The following NEB variants were observed in gnomAD, a reference collection of about 807,000 sequenced individuals.
NEB encodes the protein nemaline myopathy type 2.
NEB carries 512 observed loss-of-function variants against 952.2 expected under a neutral mutation model. The observed-to-expected ratio is 0.54, with a 90% CI of 0.50 to 0.58. NEB has a LOEUF of 0.58. Ranked by LOEUF, NEB falls within the 20% of genes least tolerant of loss-of-function variation. The probability of loss-of-function intolerance (pLI) is 0.00; values close to 1 mark genes in which losing one functional copy is unlikely to be tolerated. For synonymous variants in NEB, 2,900 were observed against 3,149.8 expected (o/e 0.92, Z 2.66); for missense variants, 8,428 against 9,231.1 (o/e 0.91, Z 3.56).
chr2:151,664,784 C>A lies in NEB; in HGVS notation c.5318G>T (p.Arg1773Ile). 1 of 1,612,166 alleles carries A rather than the reference C, an allele frequency of 6.2e-7. No homozygotes were observed. ...ATCACTCATGGTGATTTGGTTTACT[C>A]TGGAGAGTAAAATATCCGGTGTGTC... The part of the protein sequence containing the change: ...MPDTPDILLS[R>I]VNQITMSDKL... The change falls in exon 43 of 182, where the codon AGA (arginine) becomes ATA (isoleucine). Residue 1773 changes from arginine (R) to isoleucine (I), a missense_variant. Arg to Ile is a moderately conservative substitution (Grantham distance 97). Coordinates refer to ENST00000397345, the MANE Select transcript of NEB (RefSeq NM_001164508.2).
intron 20 of NEB, 172 bp from the exon 21 acceptor site, chr2:151,692,534 T>G: frequency 1.5e-6 from 1 of 660,624 alleles, no homozygotes; most frequent in South Asian, 1.7e-5. Flanking sequence ...GCTCATGCCT[T>G]ATATAATCTC....
chr2:151,575,938 G>T (rs554455877), intron 106 of NEB, 139 bp from the exon 107 acceptor site: 1 of 774,548 alleles, frequency 1.3e-6, no homozygotes, highest in Non-Finnish European at 2.1e-6. Context: ...ATCTTTTCAC[G>T]TAAGTTACTC....
At chr2:151,715,968 T>A (rs961013251) in intron 10 of NEB, among the ~76,000 whole-genome samples, 1 of 152,200 alleles carries the variant, frequency 6.6e-6, no homozygotes, top group Non-Finnish European at 1.5e-5. Flanking sequence ...GGCAAAAGAA[T>A]GTTTCCTTAG....
chr2:151,568,230 G>C, intron 112 of NEB, 52 bp from the exon 113 acceptor site: 1 of 1,588,554 alleles, frequency 6.3e-7, no homozygotes. Context: ...AGAAGGGAGG[G>C]GTAAGTTGTG....
Position 151,631,342 on chromosome 2 carries a change from A to G in NEB, c.9419T>C (p.Ile3140Thr), listed in dbSNP as rs774964206. The G allele has an allele frequency of 3.1e-6, 5 of 1,612,734 alleles. No homozygotes were observed. In the African/African-American group the frequency reaches 4.0e-5, roughly 13 times the overall value. The part of the protein sequence containing the change: ...RQAYDLQSDN[I>T]YKSDLQWLRG... ...CAGCCACTGGAGATCTGACTTGTAA[A>G]TATTCTGAGCAGAGGAAAAAAGTCA... Residue 3140 changes from isoleucine (I) to threonine (T), a missense_variant, in exon 66 of 182, where the codon ATT (isoleucine) becomes ACT (threonine). Ile to Thr is a moderately conservative substitution (Grantham distance 89). Transcript: ENST00000397345.
intron 130 of NEB, among the ~76,000 whole-genome samples, chr2:151,549,055 A>G (rs556543279): frequency 4.6e-5 from 7 of 152,256 alleles, no homozygotes; most frequent in African/African-American, 1.7e-4. Flanking sequence ...AGTACTTGTG[A>G]AAAGTGGAGA....
Position 151,633,982 on chromosome 2 carries a change from C to G in NEB, c.9103-17G>C. The G allele has an allele frequency of 6.2e-7, 1 of 1,606,392 alleles. No homozygotes were observed. Among genetic ancestry groups the G allele is most frequent in the Non-Finnish European group, 8.5e-7 (1 of 1,174,756 alleles). On this transcript the variant is annotated splice_polypyrimidine_tract_variant and intron_variant, in intron 64 of 181. Coordinates refer to ENST00000397345, the MANE Select transcript of NEB (RefSeq NM_001164508.2). ...ATATTTGTACTAAAATGAAAATGCACAAATCAGGTTTTTATTGTAACCCCT... is the reference window on the plus strand; with the variant it reads ...ATATTTGTACTAAAATGAAAATGCAGAAATCAGGTTTTTATTGTAACCCCT...
intron 81 of NEB, among the ~76,000 whole-genome samples, chr2:151,609,537 A>C (rs2153968922): frequency 6.6e-6 from 1 of 152,370 alleles, no homozygotes; most frequent in Admixed American, 6.5e-5. Context: ...AATTGACCCA[A>C]GGAAATGCTG....
At chr2:151,555,900 C>T (rs1028578277) in intron 124 of NEB, among the ~76,000 whole-genome samples, 1 of 150,402 alleles carries the variant, frequency 6.6e-6, no homozygotes, top group Admixed American at 6.6e-5. Flanking sequence ...TACACACACA[C>T]AAAACTTTTT....
At chr2:151,672,714 G>A in intron 36 of NEB, 34 bp from the exon 37 acceptor site, 15 of 1,543,900 alleles carry the variant, frequency 9.7e-6, no homozygotes, top group Non-Finnish European at 1.3e-5. Flanking sequence ...CAAAGTCCTA[G>A]GCATTGATAG....
intron 158 of NEB, 111 bp downstream of exon 158, chr2:151,514,707 T>G: frequency 1.3e-6 from 1 of 797,790 alleles, no homozygotes; most frequent in Non-Finnish European, 2.0e-6. Flanking sequence ...AGAACCCAAT[T>G]TGAAACCCAC....
At chr2:151,526,316 T>C in intron 148 of NEB, 54 bp from the exon 149 acceptor site, 1 of 1,188,508 alleles carries the variant, frequency 8.4e-7, no homozygotes, top group Non-Finnish European at 1.2e-6. Flanking sequence ...ATCCTACATA[T>C]TTTTATTACA....
Position 151,614,562 on chromosome 2 carries a change from T to C in NEB, c.11315A>G (p.Lys3772Arg). Residue 3772 changes from lysine (K) to arginine (R), a missense_variant, in exon 77 of 182, where the codon AAA (lysine) becomes AGA (arginine). Lys to Arg is a conservative substitution (Grantham distance 26, BLOSUM62 2). Around this residue, in one of 11 missense-constraint regions of NEB, gnomAD observed 1,772 missense variants for 1,960.3 expected, o/e 0.90. Transcript: ENST00000397345. ...GGCCCCAATATGGTGGCCAAGCTGT[T>C]TGCGGTAGCCTTCCTTGTACTTGTA... ...SDYKYKEGYR[K>R]QLGHHIGARN... is the part of the protein sequence containing the mutation. The C allele has an allele frequency of 6.2e-7, 1 of 1,613,762 alleles. No homozygotes were observed. The highest frequency in any genetic ancestry group is 2.2e-5 in the East Asian group (1 of 44,880).
chr2:151,548,334 G>C lies in NEB; in HGVS notation c.20131C>G (p.Arg6711Gly), dbSNP rs533233215. Residue 6711 changes from arginine to glycine, a missense_variant, in exon 131 of 182, where the codon CGG (arginine) becomes GGG (glycine). Arg to Gly is a moderately radical substitution (Grantham distance 125). Transcript: ENST00000397345. Reference sequence around the variant, plus strand: ...TCGCTGGTAACATTGTTGACTCTCCGGACGTGGACAAATGGAACATCTTTG... The same window carrying C: ...TCGCTGGTAACATTGTTGACTCTCCCGACGTGGACAAATGGAACATCTTTG... ...GPKDVPFVHV[R>G]RVNNVTSERL... The C allele has an allele frequency of 6.2e-7, 1 of 1,613,240 alleles. No homozygotes were observed. The highest frequency in any genetic ancestry group is 1.1e-5 in the South Asian group (1 of 91,056).
Position 151,635,433 on chromosome 2 carries a change from G to T in NEB, c.9102+794C>A, listed in dbSNP as rs554445168. Among the ~76,000 whole-genome samples the T allele has an allele frequency of 7.9e-5, 12 of 152,228 alleles. No individual in the cohort carries two copies. The East Asian group carries it at 2.1e-3, about 27-fold the overall frequency. On this transcript the variant is annotated intron_variant, in intron 64 of 181. Coordinates refer to ENST00000397345, the MANE Select transcript of NEB (RefSeq NM_001164508.2). ...AAATGGCTAGGAGCTATTGCTAAGA[G>T]TGTGACCTCACGCTTGTAAAACCAG...
At chr2:151,663,498 G>C in intron 45 of NEB, 50 bp downstream of exon 45, 8 of 1,513,738 alleles carry the variant, frequency 5.3e-6, no homozygotes, top group Non-Finnish European at 7.2e-6. Flanking sequence ...GGTCACTCAT[G>C]GTTGCTTATT....
Position 151,640,753 on chromosome 2 carries a change from A to T in NEB, c.8374-87T>A, listed in dbSNP as rs1397625718. ...GCCTAACTTGCTCTATTTATTAAAA[A>T]AAAAATTTTCCCTGAATATGTAAAT... is the stretch of plus-strand genomic sequence containing the variant. On this transcript the variant is annotated intron_variant, in intron 60 of 181. Transcript: ENST00000397345. 2.2e-6 allele frequency: 3 copies of T among 1,367,470 alleles called. No individual in the cohort carries two copies. The African/African-American group carries it at 4.4e-5, about 20-fold the overall frequency. 84.7% of individuals were successfully genotyped at this position (1,367,470 alleles called of 1,614,324 possible).
chr2:151,561,413 C>G, intron 121 of NEB, 101 bp from the exon 122 acceptor site: 1 of 790,498 alleles, frequency 1.3e-6, no homozygotes. Context: ...TTCTGGATTT[C>G]TGCTTTAATC....
At chr2:151,686,873 C>G (rs1225474746) in intron 27 of NEB, among the ~76,000 whole-genome samples, 4 of 151,986 alleles carry the variant, frequency 2.6e-5, no homozygotes, top group Non-Finnish European at 5.9e-5. Context: ...ATGAGTTCAC[C>G]AAAATTCAGG....
Sources: allele counts gnomAD v4.1 joint callset (sites outside exome capture counted in the v4.1 genomes callset), GRCh38; gene constraint gnomAD v4.1.1; regional missense constraint gnomAD v4.1.1; transcripts MANE v1.5; gene names NCBI Gene and HGNC (gene_info 2026-07-23, HGNC 2026-07-21).